TCF12: variants seen among roughly 807,000 people sequenced by gnomAD.
The protein encoded by TCF12 is transcription factor 12, also known as DNA-binding protein HTF4.
Under a neutral mutation model 86.0 loss-of-function variants are expected in TCF12, and 45 were observed. The ratio of observed to expected loss-of-function variants is 0.52; its 90% CI spans 0.41 to 0.67. The LOEUF is 0.67. TCF12 is among the 30% of genes least tolerant of loss of function. The pLI is 0.00. For synonymous variants in TCF12, 330 were observed against 299.6 expected (o/e 1.10, Z -1.05); for missense variants, 881 against 859.9 (o/e 1.02, Z -0.31).
rs1412819166 is a variant in TCF12 at position 57,009,262 on chromosome 15, TC to T, written c.149-54487del. Among the ~76,000 whole-genome samples the T allele has an allele frequency of 4.6e-5, 7 of 152,056 alleles. 1 individual carries two copies. The highest frequency in any genetic ancestry group is 4.6e-4 in the Admixed American group (7 of 15,266). ...TAGCTGGGAGGACTACAGGCGCACT[TC>T]ATCAAGCCTGGCTAATTTTGTATTT... On this transcript the variant is annotated intron_variant, in intron 3 of 20. Coordinates refer to ENST00000333725, the MANE Select transcript of TCF12 (RefSeq NM_207037.2).
At chr15:57,193,213 C>T (rs569365216) in intron 7 of TCF12, among the ~76,000 whole-genome samples, 1 of 152,250 alleles carries the variant, frequency 6.6e-6, no homozygotes, top group South Asian at 2.1e-4. Context: ...TTTCTAACTC[C>T]AGGTTCATTG....
chr15:57,183,059 A>T (rs1001295233), intron 6 of TCF12, among the ~76,000 whole-genome samples: 1 of 152,158 alleles, frequency 6.6e-6, no homozygotes, highest in African/African-American at 2.4e-5. Flanking sequence ...AATACTTAAG[A>T]TTGCTATAAA....
chr15:57,194,003 T>C (rs1158851614), intron 7 of TCF12, among the ~76,000 whole-genome samples: 2 of 152,216 alleles, frequency 1.3e-5, no homozygotes, highest in Admixed American at 6.5e-5. Flanking sequence ...GATTGGAGTC[T>C]AGACGTGTCA....
intron 3 of TCF12, among the ~76,000 whole-genome samples, chr15:56,922,933 C>A (rs2059855179): frequency 6.6e-6 from 1 of 151,656 alleles, no homozygotes; most frequent in Admixed American, 6.6e-5. Context: ...TATTTATATA[C>A]CTTATTGACA....
rs1201992200 is a variant in TCF12, at chr15:57,232,701, T to G, written c.826-11T>G. The G allele has an allele frequency of 3.7e-6, 6 of 1,608,230 alleles. No homozygotes were observed. Among genetic ancestry groups the G allele is most frequent in the Non-Finnish European group, 5.1e-6 (6 of 1,177,750 alleles). The stretch of plus-strand genomic sequence containing the variant: ...AAATATATTTAATAGATCATATCTC[T>G]TTCCATCTAGAGTTATCCTCCACAC... On this transcript the variant is annotated splice_polypyrimidine_tract_variant and intron_variant, in intron 10 of 20. Coordinates refer to ENST00000333725, the MANE Select transcript of TCF12 (RefSeq NM_207037.2).
intron 5 of TCF12, chr15:57,109,314 A>G (rs1234814534): frequency 5.9e-5 from 9 of 152,152 alleles, no homozygotes; most frequent in African/African-American, 1.7e-4. Flanking sequence ...CAGCTATTGT[A>G]AAGGTACTGA....
intron 5 of TCF12, among the ~76,000 whole-genome samples, chr15:57,162,625 A>G (rs1377126496): frequency 1.3e-5 from 2 of 152,196 alleles, no homozygotes; most frequent in East Asian, 3.8e-4. Flanking sequence ...ATTAGTTTTC[A>G]TTCTCTTTGA....
intron 6 of TCF12, among the ~76,000 whole-genome samples, chr15:57,184,567 G>C (rs577722835): frequency 6.6e-5 from 10 of 152,272 alleles, no homozygotes; most frequent in African/African-American, 2.2e-4. Context: ...ACATATCAAT[G>C]AAAGTCAGTT....
intron 6 of TCF12, among the ~76,000 whole-genome samples, chr15:57,189,319 G>C (rs2056855606): frequency 6.6e-6 from 1 of 152,090 alleles, no homozygotes; most frequent in Non-Finnish European, 1.5e-5. Flanking sequence ...TACAGAATGA[G>C]GGAAAATTTT....
At chr15:57,156,135 T>C (rs1024831485) in intron 5 of TCF12, among the ~76,000 whole-genome samples, 3 of 152,262 alleles carry the variant, frequency 2.0e-5, no homozygotes, top group South Asian at 2.1e-4. Context: ...GTTTACACTT[T>C]GGTTTTATAA....
chr15:57,224,362 T>C (rs1309565289), intron 8 of TCF12, among the ~76,000 whole-genome samples: 1 of 152,142 alleles, frequency 6.6e-6, no homozygotes, highest in Non-Finnish European at 1.5e-5. Flanking sequence ...ATTAGAAAAA[T>C]GATAGCACTT....
chr15:56,954,159 C>T (rs968967952), intron 3 of TCF12, among the ~76,000 whole-genome samples: 1 of 151,802 alleles, frequency 6.6e-6, no homozygotes. Flanking sequence ...TTTTCTTTAA[C>T]TTACGGGTTA....
At chr15:57,059,834 C>A (rs2068325648) in intron 3 of TCF12, among the ~76,000 whole-genome samples, 1 of 150,268 alleles carries the variant, frequency 6.7e-6, no homozygotes. Flanking sequence ...TTCCAGTTTC[C>A]AGTTTTTGCT....
chr15:57,095,278 T>C (rs552509329), intron 5 of TCF12, among the ~76,000 whole-genome samples: 2 of 152,174 alleles, frequency 1.3e-5, no homozygotes, highest in Non-Finnish European at 2.9e-5. Flanking sequence ...CAAGTAGCCT[T>C]GTCTGTCTCA....
chr15:57,035,870 A>C (rs2066475552), intron 3 of TCF12, among the ~76,000 whole-genome samples: 1 of 152,166 alleles, frequency 6.6e-6, no homozygotes. Flanking sequence ...GTGGCAAGCA[A>C]ACAAACATTA....
intron 4 of TCF12, among the ~76,000 whole-genome samples, chr15:57,066,293 C>T (rs1298258065): frequency 1.2e-4 from 19 of 152,118 alleles, no homozygotes; most frequent in African/African-American, 4.6e-4. Flanking sequence ...TAAAGTACTT[C>T]ATTCTCCTAT....
At chr15:57,024,621 A>C (rs2094056022) in intron 3 of TCF12, among the ~76,000 whole-genome samples, 1 of 152,266 alleles carries the variant, frequency 6.6e-6, no homozygotes, top group Non-Finnish European at 1.5e-5. Context: ...GATGATCAGA[A>C]TTCATGGCTT....
chr15:57,038,410 A>G, intron 3 of TCF12, among the ~76,000 whole-genome samples: 1 of 141,860 alleles, frequency 7.0e-6, no homozygotes, highest in Non-Finnish European at 1.5e-5. Flanking sequence ...GCTGGGTGAC[A>G]GAGAGCCCAT....
intron 5 of TCF12, among the ~76,000 whole-genome samples, chr15:57,151,535 G>A (rs1467304403): frequency 6.6e-6 from 1 of 152,080 alleles, no homozygotes; most frequent in Non-Finnish European, 1.5e-5. Context: ...GAGAGGCCAA[G>A]GAGGACAGAT....
Sources: allele counts gnomAD v4.1 joint callset (sites outside exome capture counted in the v4.1 genomes callset), GRCh38; gene constraint gnomAD v4.1.1; transcripts MANE v1.5; gene names NCBI Gene and HGNC (gene_info 2026-07-23, HGNC 2026-07-21).